The following CRACD variants were observed in gnomAD, a reference collection of about 807,000 sequenced individuals.
CRACD encodes capping protein inhibiting regulator of actin dynamics, also known as capping protein-inhibiting regulator of actin dynamics.
A neutral mutation model predicts 106.8 loss-of-function variants in CRACD; 56 were observed. That is an observed-to-expected ratio of 0.52 (90% CI 0.42 to 0.66). The LOEUF is 0.66. Ranked by LOEUF, CRACD falls within the 30% of genes least tolerant of loss-of-function variation. The probability of loss-of-function intolerance (pLI) is 0.00; values close to 1 mark genes in which losing one functional copy is unlikely to be tolerated. For synonymous variants in CRACD, 754 were observed against 670.8 expected, an observed-to-expected ratio of 1.12 and a Z score of -1.92; for missense variants, 1,730 against 1,623.2, an observed-to-expected ratio of 1.07 and a Z score of -1.13.
intron 2 of CRACD, among the ~76,000 whole-genome samples, chr4:56,255,126 A>C (rs543897501): frequency 5.3e-4 from 79 of 149,568 alleles, no homozygotes; most frequent in Non-Finnish European, 9.0e-4. Context: ...AAAAAAAAAA[A>C]AAAAAAAACT....
chr4:56,122,499 C>T (rs1333701984), intron 1 of CRACD, among the ~76,000 whole-genome samples: 3 of 152,210 alleles, frequency 2.0e-5, no homozygotes, highest in South Asian at 2.1e-4. Flanking sequence ...ACCACTGATT[C>T]GAGTCTTGTT....
At chr4:56,303,655 CTCT>C (rs2109736348) in intron 4 of CRACD, among the ~76,000 whole-genome samples, 1 of 152,356 alleles carries the variant, frequency 6.6e-6, no homozygotes, top group African/African-American at 2.4e-5. Context: ...AACCAGTCTC[CTCT>C]GAGTTGGCTG....
intron 1 of CRACD, among the ~76,000 whole-genome samples, chr4:56,083,224 T>G (rs571528848): frequency 6.6e-6 from 1 of 152,364 alleles, no homozygotes; most frequent in South Asian, 2.1e-4. Context: ...TTTATTCTGT[T>G]GTTTGTTATT....
chr4:56,314,958 G>A lies in CRACD; in HGVS notation c.1456G>A (p.Gly486Arg). The change falls in exon 8 of 11, where the codon GGG becomes AGG. Residue 486 changes from glycine to arginine, a missense_variant. Physicochemically the swap from Gly to Arg is moderately radical, Grantham distance 125. Transcript: ENST00000682029. The surrounding 1 kb of genome is among the most constrained non-coding windows in gnomAD (Gnocchi z 4.4). ...RPGPEEKREE[G>R]DTEPLLKQEG... Reference sequence around the variant, plus strand: ...TGGGCCCGAGGAAAAGAGAGAAGAAGGGGACACGGAGCCTCTCCTGAAACA... The same window carrying A: ...TGGGCCCGAGGAAAAGAGAGAAGAAAGGGACACGGAGCCTCTCCTGAAACA... The A allele has an allele frequency of 6.3e-7, 1 of 1,592,066 alleles. No homozygotes were observed. The highest frequency in any genetic ancestry group is 8.5e-7 in the Non-Finnish European group (1 of 1,170,770).
chr4:56,217,837 G>A (rs1560487805), intron 2 of CRACD, among the ~76,000 whole-genome samples: 1 of 152,212 alleles, frequency 6.6e-6, no homozygotes, highest in Non-Finnish European at 1.5e-5. Flanking sequence ...TCATTCAGTT[G>A]GTTGTGGGAG....
chr4:56,080,422 C>T (rs1306329731), intron 1 of CRACD, among the ~76,000 whole-genome samples: 2 of 152,196 alleles, frequency 1.3e-5, no homozygotes, highest in East Asian at 1.9e-4. Flanking sequence ...TATTAAATTG[C>T]ACCAGATTTT....
At chr4:56,087,302 C>T (rs922322776) in intron 1 of CRACD, among the ~76,000 whole-genome samples, 4 of 152,118 alleles carry the variant, frequency 2.6e-5, no homozygotes, top group Non-Finnish European at 4.4e-5. Context: ...CGTGAGCCAC[C>T]GCGCCCAGCC....
intron 2 of CRACD, among the ~76,000 whole-genome samples, chr4:56,182,919 G>T (rs1198111089): frequency 6.9e-6 from 1 of 145,064 alleles, no homozygotes; most frequent in Non-Finnish European, 1.5e-5. Context: ...CCCTGATTCC[G>T]TTGGTTTCTT....
At chr4:56,199,538 G>T (rs114545014) in intron 2 of CRACD, among the ~76,000 whole-genome samples, 5,020 of 151,772 alleles carry the variant, frequency 0.033, 117 homozygotes, top group Admixed American at 0.055. Context: ...AAAAATTAGC[G>T]GGGTGTTGAG....
At chr4:56,083,096 C>A (rs1388413095) in intron 1 of CRACD, among the ~76,000 whole-genome samples, 1 of 152,188 alleles carries the variant, frequency 6.6e-6, no homozygotes, top group East Asian at 1.9e-4. Context: ...CAGAGAGACA[C>A]TAGAGGCAGT....
At chr4:56,283,102 C>G (rs1743122542) in intron 3 of CRACD, among the ~76,000 whole-genome samples, 3 of 152,202 alleles carry the variant, frequency 2.0e-5, no homozygotes, top group Non-Finnish European at 4.4e-5. Flanking sequence ...TGTCTCATCT[C>G]TCCCATTCCT....
chr4:56,190,522 T>C (rs1577725703), intron 2 of CRACD, among the ~76,000 whole-genome samples: 1 of 152,244 alleles, frequency 6.6e-6, no homozygotes, highest in Non-Finnish European at 1.5e-5. Context: ...CTTTGGGCGA[T>C]TCTGAATTAA....
At chr4:56,195,555 A>T (rs971052336) in intron 2 of CRACD, among the ~76,000 whole-genome samples, 3 of 152,202 alleles carry the variant, frequency 2.0e-5, no homozygotes, top group Admixed American at 6.5e-5. Context: ...ATGGAATTTA[A>T]TTTTTCTAAG....
chr4:56,241,737 C>T (rs993578049), intron 2 of CRACD, among the ~76,000 whole-genome samples: 10 of 152,134 alleles, frequency 6.6e-5, no homozygotes, highest in African/African-American at 2.4e-4. Context: ...GCAGTACCTG[C>T]TCAGCCTTTT....
chr4:56,147,064 A>G (rs1735412464), intron 1 of CRACD, among the ~76,000 whole-genome samples: 2 of 152,080 alleles, frequency 1.3e-5, no homozygotes, highest in South Asian at 4.1e-4. Flanking sequence ...CGGAGGTCCA[A>G]TTTGCATCAT....
At chr4:56,194,637 C>A (rs1737524168) in intron 2 of CRACD, among the ~76,000 whole-genome samples, 1 of 152,106 alleles carries the variant, frequency 6.6e-6, no homozygotes, top group African/African-American at 2.4e-5. Context: ...AAGAGAGTTC[C>A]CTCATACCTT....
chr4:56,305,464 C>A (rs1744630399), intron 4 of CRACD, among the ~76,000 whole-genome samples: 1 of 152,180 alleles, frequency 6.6e-6, no homozygotes, highest in South Asian at 2.1e-4. Context: ...CCTTGTTATT[C>A]CATGTCCTCT....
intron 1 of CRACD, among the ~76,000 whole-genome samples, chr4:56,059,267 A>G (rs1732187484): frequency 6.9e-6 from 1 of 144,524 alleles, no homozygotes; most frequent in South Asian, 2.2e-4. Flanking sequence ...ACCAAACCCC[A>G]CCTCTACAAA....
chr4:56,090,944 A>G (rs534813464), intron 1 of CRACD, among the ~76,000 whole-genome samples: 31 of 152,270 alleles, frequency 2.0e-4, no homozygotes, highest in African/African-American at 6.7e-4. Context: ...CTGAGATCCA[A>G]CTGGGTTCCT....
Sources: allele counts gnomAD v4.1 joint callset (sites outside exome capture counted in the v4.1 genomes callset), GRCh38; gene constraint gnomAD v4.1.1; non-coding constraint Gnocchi (gnomAD v3.1); transcripts MANE v1.5; gene names NCBI Gene and HGNC (gene_info 2026-07-23, HGNC 2026-07-21).